Variants in MED12 observed in about 807,000 individuals in gnomAD.
MED12 encodes the protein mediator of RNA polymerase II transcription subunit 12.
A neutral mutation model predicts 177.7 loss-of-function variants in MED12; 10 were observed. That is an observed-to-expected ratio of 0.06 (90% CI 0.03 to 0.10). The LOEUF (loss-of-function observed/expected upper bound fraction) is 0.10, where lower values mean the gene tolerates loss of function less well. Ranked by LOEUF, MED12 falls within the 10% of genes least tolerant of loss-of-function variation. MED12 has a pLI of 1.00. For missense variants in MED12, 867 were observed against 1,780.8 expected, an observed-to-expected ratio of 0.49 and a Z score of 9.23; for synonymous variants, 641 against 678.4, an observed-to-expected ratio of 0.94 and a Z score of 0.86.
chrX:71,131,546 A>G lies in MED12; in HGVS notation c.4048-4A>G, dbSNP rs1222848911. 2.0e-5 allele frequency: 24 copies of G among 1,210,742 alleles called. No individual in the cohort carries two copies. The highest frequency in any genetic ancestry group is 2.5e-5 in the Non-Finnish European group (22 of 894,945). On this transcript the variant is annotated splice_polypyrimidine_tract_variant and splice_region_variant and intron_variant, in intron 28 of 44. Coordinates refer to ENST00000374080, the MANE Select transcript of MED12 (RefSeq NM_005120.3). Reference sequence around the variant, plus strand: ...CTAGCCTGGGTGTGGGGCCTCTATCACAGAACTTGGACCAGTGGACCATGC... The same window carrying G: ...CTAGCCTGGGTGTGGGGCCTCTATCGCAGAACTTGGACCAGTGGACCATGC...
chrX:71,125,641 C>T (rs2147794156), intron 16 of MED12, 22 bp from the exon 17 acceptor site: 1 of 531,925 alleles, frequency 1.9e-6, no homozygotes, highest in Non-Finnish European at 3.0e-6. Context: ...GAAACTTCCC[C>T]CCTCATTCCC....
In MED12 at chrX:71,136,443, C is replaced by T. The variant is rs1399016586; in HGVS notation, c.5188C>T (p.Leu1730=). 2 of 1,210,338 alleles carry T rather than the reference C, an allele frequency of 1.7e-6. No individual in the cohort carries two copies. Among genetic ancestry groups the T allele is most frequent in the Non-Finnish European group, 2.2e-6 (2 of 895,113 alleles). ...GCGGTTGCTGCTCTACCACACACAC[C>T]TGAGGCCCCGGCCCCGCGCCTATTA... ...QQRLLLYHTH[L]RPRPRAYYLE... The change falls in exon 37 of 45, where the codon CTG becomes TTG. Residue 1730 remains leucine, a synonymous_variant. Coordinates refer to ENST00000374080, the MANE Select transcript of MED12 (RefSeq NM_005120.3).
intron 31 of MED12, 60 bp from the exon 32 acceptor site, chrX:71,132,785 C>CTTCTA (rs1420103172): frequency 1.5e-5 from 5 of 343,664 alleles, no homozygotes; most frequent in Non-Finnish European, 2.5e-5. Context: ...CTTCTCTTCT[C>CTTCTA]TTCTCTTCTC....
rs898933917 is a variant in MED12 at position 71,126,540 on chromosome X, A to G, written c.2685+56A>G. The G allele has an allele frequency of 7.6e-6, 9 of 1,182,151 alleles. No individual in the cohort carries two copies. The South Asian group carries it at 1.1e-4, about 14-fold the overall frequency. ...CAGGAGTTCATGCCATATAGCGGCT[A>G]CGGAGGGTCATAAGGACAGGCGTAG... is the stretch of plus-strand genomic sequence containing the variant. On this transcript the variant is annotated intron_variant, in intron 19 of 44. Coordinates refer to ENST00000374080, the MANE Select transcript of MED12 (RefSeq NM_005120.3).
At chrX:71,129,001 A>G in intron 24 of MED12, 113 bp from the exon 25 acceptor site, 1 of 630,540 alleles carries the variant, frequency 1.6e-6, no homozygotes, top group Non-Finnish European at 2.6e-6. Context: ...ACTTTACCTC[A>G]TCTTCTCTCC....
chrX:71,134,374 C>T lies in MED12; in HGVS notation c.4635C>T (p.Asp1545=), dbSNP rs151316557. The change falls in exon 34 of 45, where the codon GAC becomes GAT. Residue 1545 remains aspartate, a synonymous_variant. Coordinates refer to ENST00000374080, the MANE Select transcript of MED12 (RefSeq NM_005120.3). ...CCTGGCAGGTGGGGGGCATGTTTGA[C>T]ACGGTGCAGCGCAGCACCCAGCAGA... ...LRLNLVGGMF[D]TVQRSTQQTT... is the part of the protein sequence containing the mutation. 1 of 1,155,739 alleles carries T rather than the reference C, an allele frequency of 8.7e-7. No individual in the cohort carries two copies. Among genetic ancestry groups the T allele is most frequent in the East Asian group, 3.2e-5 (1 of 30,837 alleles).
At chrX:71,138,057 A>G in intron 41 of MED12, 114 bp downstream of exon 41, 1 of 731,373 alleles carries the variant, frequency 1.4e-6, no homozygotes, top group South Asian at 2.2e-5. Context: ...GGAGACATCA[A>G]GAATACTTAT....
chrX:71,130,405 C>T, intron 28 of MED12, among the ~76,000 whole-genome samples, 191 bp downstream of exon 28: 1 of 112,515 alleles, frequency 8.9e-6, no homozygotes, highest in East Asian at 2.8e-4. Context: ...GGTCTAGACT[C>T]CAGTGTAAGA....
chrX:71,139,053 A>C (rs1358194749), intron 41 of MED12, among the ~76,000 whole-genome samples: 1 of 111,437 alleles, frequency 9.0e-6, no homozygotes, highest in Non-Finnish European at 1.9e-5. Context: ...AGCAAAAAAA[A>C]CCCCCACGAT....
At chrX:71,126,008 G>T in intron 17 of MED12, 28 bp from the exon 18 acceptor site, 1 of 1,004,616 alleles carries the variant, frequency 1.0e-6, no homozygotes, top group African/African-American at 2.0e-5. Flanking sequence ...TCCCTGTCTT[G>T]ACTGGTCCCT....
intron 2 of MED12, 86 bp from the exon 3 acceptor site, chrX:71,119,600 C>A: frequency 3.6e-6 from 4 of 1,114,590 alleles, no homozygotes; most frequent in Non-Finnish European, 4.9e-6. Context: ...TGACCTAATA[C>A]TATCTCATTG....
intron 5 of MED12, 40 bp from the exon 6 acceptor site, chrX:71,121,287 A>ACTTTATCTGCT: frequency 1.7e-6 from 2 of 1,193,191 alleles, no homozygotes; most frequent in Non-Finnish European, 2.3e-6. Context: ...TATCTGCTTC[A>ACTTTATCTGCT]TCTCTAATAG....
In MED12 at chrX:71,121,744, G is replaced by A; in HGVS notation, c.1029G>A (p.Ser343=). 3 of 1,211,041 alleles carry A rather than the reference G, an allele frequency of 2.5e-6. No individual in the cohort carries two copies. Among genetic ancestry groups the A allele is most frequent in the Non-Finnish European group, 2.2e-6 (2 of 895,286 alleles). Reference sequence around the variant, plus strand: ...AGCCCCCAACTAGCAGCACACCCTCGACTCCCTTTAGTGACCTGCTTATGT... The same window carrying A: ...AGCCCCCAACTAGCAGCACACCCTCAACTCCCTTTAGTGACCTGCTTATGT... ...APQPPTSSTP[S]TPFSDLLMCP... is the part of the protein sequence containing the mutation. Residue 343 remains serine (S), a synonymous_variant, in exon 7 of 45, where the codon TCG becomes TCA. Coordinates refer to ENST00000374080, the MANE Select transcript of MED12 (RefSeq NM_005120.3).
In MED12 at chrX:71,136,995, A is replaced by T; in HGVS notation, c.5517A>T (p.Ile1839=). The part of the protein sequence containing the change: ...ITHLNYRQGS[I]GLYTQNQPLP... ...ACCTTAACTACAGGCAAGGCTCCAT[A>T]GGCCTGTACACCCAGAACCAGCCAC... The change falls in exon 38 of 45, where the codon ATA becomes ATT. Residue 1839 remains isoleucine (I), a synonymous_variant. Transcript: ENST00000374080. The T allele has an allele frequency of 2.5e-6, 3 of 1,199,884 alleles. No individual in the cohort carries two copies. Among genetic ancestry groups the T allele is most frequent in the Non-Finnish European group, 3.4e-6 (3 of 890,352 alleles).
intron 1 of MED12, 95 bp downstream of exon 1, chrX:71,118,948 G>A: frequency 1.3e-6 from 1 of 799,904 alleles, no homozygotes; most frequent in Non-Finnish European, 1.8e-6. Context: ...GGGGCGGTTC[G>A]GTGAGAGCAA....
intron 42 of MED12, 152 bp downstream of exon 42, chrX:71,141,009 C>A (rs980699731): frequency 5.4e-6 from 6 of 1,103,960 alleles, no homozygotes; most frequent in Non-Finnish European, 7.3e-6. Flanking sequence ...AAGTTTTCTA[C>A]CCTCCCCCTT....
Position 71,119,736 on chromosome X carries a change from C to T in MED12, c.255C>T (p.Thr85=), listed in dbSNP as rs979820064. The T allele has an allele frequency of 1.4e-5, 17 of 1,209,339 alleles. No homozygotes were observed. Among genetic ancestry groups the T allele is most frequent in the Admixed American group, 2.2e-5 (1 of 45,755 alleles). The change falls in exon 3 of 45, where the codon ACC becomes ACT. Residue 85 remains threonine (T), a synonymous_variant. Coordinates refer to ENST00000374080, the MANE Select transcript of MED12 (RefSeq NM_005120.3). ...TTGCAGAGAAATTACGTTGTAATAC[C>T]CTTCCTGACACTGGTCGCAGGAAGC... ...SIIAEKLRCN[T]LPDTGRRKPQ...
intron 28 of MED12, among the ~76,000 whole-genome samples, chrX:71,131,062 C>T (rs1320255038): frequency 9.1e-6 from 1 of 109,959 alleles, no homozygotes; most frequent in Non-Finnish European, 1.9e-5. Flanking sequence ...GATGTGAAAT[C>T]TTTCCTGAAC....
rs763700798 is a variant in MED12, at chrX:71,137,211, G to A, written c.5576G>A (p.Arg1859His). ...GGTGGCCCTCGTGTGGACCCATACC[G>A]TCCTGTGCGCTTACCAATGCAGAAG... is the stretch of plus-strand genomic sequence containing the variant. The part of the protein sequence containing the change: ...PAGGPRVDPY[R>H]PVRLPMQKLP... The change falls in exon 39 of 45, where the codon CGT becomes CAT. Residue 1859 changes from arginine (R) to histidine (H), a missense_variant. Around this residue, in one of 14 missense-constraint regions of MED12, gnomAD observed 236 missense variants for 345.2 expected, o/e 0.68. Coordinates refer to ENST00000374080, the MANE Select transcript of MED12 (RefSeq NM_005120.3). The A allele has an allele frequency of 1.7e-5, 20 of 1,210,127 alleles. No homozygotes were observed. The South Asian group carries it at 1.8e-4, about 11-fold the overall frequency.
Sources: allele counts gnomAD v4.1 joint callset (sites outside exome capture counted in the v4.1 genomes callset), GRCh38; gene constraint gnomAD v4.1.1; regional missense constraint gnomAD v4.1.1; transcripts MANE v1.5; gene names NCBI Gene and HGNC (gene_info 2026-07-23, HGNC 2026-07-21).